Variants in GOT2 observed in about 807,000 individuals in gnomAD.
GOT2 encodes glutamic-oxaloacetic transaminase 2.
Under a neutral mutation model 50.0 loss-of-function variants are expected in GOT2, and 17 were observed. The ratio of observed to expected loss-of-function variants is 0.34; its 90% CI spans 0.23 to 0.51. GOT2 has a LOEUF of 0.51. Ranked by LOEUF, GOT2 falls within the 20% of genes least tolerant of loss-of-function variation. GOT2 has a pLI of 0.97. For synonymous variants in GOT2, 172 were observed against 204.9 expected (o/e 0.84, Z 1.37); for missense variants, 430 against 559.6 (o/e 0.77, Z 2.34).
chr16:58,708,075 T>G lies in GOT2; in HGVS notation c.*96A>C. On this transcript the variant is annotated 3_prime_UTR_variant, in exon 10 of 10. Transcript: ENST00000245206. Reference sequence around the variant, plus strand: ...ACTGTGGCTGAAAGAAATGATCCACTCACCACCATCCACCCTCTCTCATTG... The same window carrying G: ...ACTGTGGCTGAAAGAAATGATCCACGCACCACCATCCACCCTCTCTCATTG... The G allele has an allele frequency of 8.1e-7, 1 of 1,227,424 alleles. No individual in the cohort carries two copies. Among genetic ancestry groups the G allele is most frequent in the Non-Finnish European group, 1.2e-6 (1 of 863,772 alleles). 76.0% of individuals were successfully genotyped at this position (1,227,424 alleles called of 1,614,324 possible). A position where few individuals can be genotyped will look rare whatever the true frequency, so the allele number is the denominator to read the frequency against.
chr16:58,713,776 G>A lies in GOT2; in HGVS notation c.1019+2238C>T, dbSNP rs972941969. On this transcript the variant is annotated intron_variant, in intron 8 of 9. Transcript: ENST00000245206. Reference sequence around the variant, plus strand: ...CATCATGGTTTTATGAACTCATAGAGTAGGGGTTGGCATTCTTTCTGTAAA... The same window carrying A: ...CATCATGGTTTTATGAACTCATAGAATAGGGGTTGGCATTCTTTCTGTAAA... 4.6e-5 allele frequency among the ~76,000 whole-genome samples: 7 copies of A among 152,332 alleles called. No homozygotes were observed. The South Asian group carries it at 1.2e-3, about 27-fold the overall frequency.
At chr16:58,710,912 G>C (rs1394269573) in intron 8 of GOT2, among the ~76,000 whole-genome samples, 1 of 146,856 alleles carries the variant, frequency 6.8e-6, no homozygotes, top group Non-Finnish European at 1.5e-5. Context: ...AGCTTGCAGT[G>C]AGCGGAGATG....
At position 58,716,169 on chromosome 16, in the gene GOT2, T is replaced by C. The variant is rs1450733491; in HGVS notation, c.864A>G (p.Val288=). 2.5e-6 allele frequency: 4 copies of C among 1,613,330 alleles called. No individual in the cohort carries two copies. In the African/African-American group the frequency reaches 4.0e-5, roughly 16 times the overall value. ...CTTTGCAGACCATAGTGAAGGCTCC[T>C]ACACGCTCACCTGAAAGACAAAAAT... ...AKNMGLYGER[V]GAFTMVCKDA... The change falls in exon 8 of 10, where the codon GTA becomes GTG. Residue 288 remains valine (V), a synonymous_variant. Transcript: ENST00000245206.
At chr16:58,713,704 TAACA>T (rs1445481476) in intron 8 of GOT2, among the ~76,000 whole-genome samples, 2 of 152,182 alleles carry the variant, frequency 1.3e-5, no homozygotes, top group Non-Finnish European at 2.9e-5. Context: ...GCAGCTCATA[TAACA>T]AATATACGAT....
chr16:58,718,151 G>A (rs1298233776), intron 6 of GOT2, 45 bp downstream of exon 6: 2 of 1,330,340 alleles, frequency 1.5e-6, no homozygotes, highest in South Asian at 2.3e-5. Flanking sequence ...CTCCAAAGCT[G>A]GTTACTAAAC....
intron 8 of GOT2, among the ~76,000 whole-genome samples, chr16:58,711,516 A>G (rs1328948261): frequency 6.6e-6 from 1 of 152,164 alleles, no homozygotes; most frequent in East Asian, 1.9e-4. Context: ...GATGTTATGC[A>G]CGGTTAGAAG....
chr16:58,718,758 T>C (rs966510463), intron 4 of GOT2, 70 bp from the exon 5 acceptor site: 2 of 1,293,658 alleles, frequency 1.5e-6, no homozygotes, highest in Admixed American at 2.4e-5. Context: ...ATGTGTTTTA[T>C]TGAGAGAACA....
At chr16:58,710,654 G>A (rs1332363110) in intron 8 of GOT2, among the ~76,000 whole-genome samples, 1 of 151,586 alleles carries the variant, frequency 6.6e-6, no homozygotes, top group African/African-American at 2.4e-5. Context: ...GGCCCAGGCG[G>A]GCGGATCACG....
At chr16:58,724,589 G>A (rs2044768357) in intron 1 of GOT2, among the ~76,000 whole-genome samples, 1 of 152,152 alleles carries the variant, frequency 6.6e-6, no homozygotes, top group Admixed American at 6.6e-5. Context: ...CACTCAGGCT[G>A]GAGTGCAATG....
At chr16:58,715,268 GT>G (rs2152094471) in intron 8 of GOT2, among the ~76,000 whole-genome samples, 1 of 152,272 alleles carries the variant, frequency 6.6e-6, no homozygotes, top group South Asian at 2.1e-4. Flanking sequence ...TTTTAAGGAA[GT>G]TTTCCTATGT....
chr16:58,712,836 G>C (rs1007974848), intron 8 of GOT2, among the ~76,000 whole-genome samples: 7 of 152,144 alleles, frequency 4.6e-5, no homozygotes, highest in African/African-American at 1.4e-4. Flanking sequence ...GTGGCTGGGC[G>C]CAGTGGTTCA....
chr16:58,733,524 T>C (rs1371656041), intron 1 of GOT2, among the ~76,000 whole-genome samples: 2 of 152,114 alleles, frequency 1.3e-5, no homozygotes, highest in Non-Finnish European at 2.9e-5. Flanking sequence ...ACCTCGACCC[T>C]TTCCCAAGCA....
At chr16:58,722,664 C>T (rs141030280) in intron 2 of GOT2, among the ~76,000 whole-genome samples, 3,436 of 152,050 alleles carry the variant, frequency 0.023, 166 homozygotes, top group Admixed American at 0.12. Context: ...GCCACTGCGC[C>T]CGGCCAAACC....
intron 3 of GOT2, 90 bp downstream of exon 3, chr16:58,722,060 G>A (rs567695889): frequency 1.2e-4 from 174 of 1,431,300 alleles, no homozygotes; most frequent in Non-Finnish European, 1.6e-4. Flanking sequence ...GATTACAGGC[G>A]TGAGCCATCG....
chr16:58,720,779 T>C lies in GOT2; in HGVS notation c.375+1371A>G, dbSNP rs375505490. ...TTTTTAGTAGAGACGGGGGGGCGGG[T>C]CTCACCATATTGGTCAGGCTGGTCT... is the stretch of plus-strand genomic sequence containing the variant. On this transcript the variant is annotated intron_variant, in intron 3 of 9. Transcript: ENST00000245206. Among the ~76,000 whole-genome samples the C allele has an allele frequency of 6.6e-5, 10 of 151,802 alleles. No homozygotes were observed. In the East Asian group the frequency reaches 9.7e-4, roughly 15 times the overall value.
chr16:58,722,376 G>C, intron 2 of GOT2, 98 bp from the exon 3 acceptor site: 1 of 1,274,768 alleles, frequency 7.8e-7, no homozygotes, highest in Non-Finnish European at 1.1e-6. Context: ...TGGAGGTAAA[G>C]TCTTTTTTTT....
chr16:58,715,997 G>C lies in GOT2; in HGVS notation c.1019+17C>G, dbSNP rs370647694. 1 of 1,593,996 alleles carries C rather than the reference G, an allele frequency of 6.3e-7. No homozygotes were observed. Among genetic ancestry groups the C allele is most frequent in the Non-Finnish European group, 8.5e-7 (1 of 1,170,462 alleles). Reference sequence around the variant, plus strand: ...GTGGGAACAGGTAGGTGGCTGGGGAGTGGCATAAACCTTTACCATTGTTTT... The same window carrying C: ...GTGGGAACAGGTAGGTGGCTGGGGACTGGCATAAACCTTTACCATTGTTTT... On this transcript the variant is annotated intron_variant, in intron 8 of 9. Transcript: ENST00000245206.
At chr16:58,726,929 G>A (rs1244882611) in intron 1 of GOT2, among the ~76,000 whole-genome samples, 3 of 151,928 alleles carry the variant, frequency 2.0e-5, no homozygotes, top group Non-Finnish European at 4.4e-5. Flanking sequence ...CGAAGTAGGC[G>A]GATCACCTGA....
chr16:58,709,415 A>C lies in GOT2; in HGVS notation c.1170+2T>G, dbSNP rs1321864356. The C allele has an allele frequency of 6.3e-7, 1 of 1,592,206 alleles. No homozygotes were observed. Among genetic ancestry groups the C allele is most frequent in the Non-Finnish European group, 8.6e-7 (1 of 1,162,696 alleles). ...TGCTGCAGAGAAATCAGAATCACTC[A>C]CCTGTTCAGGCTTTAGCCCTGTGAA... On this transcript the variant is annotated splice_donor_variant, in intron 9 of 9. Transcript: ENST00000245206. LOFTEE classifies it high-confidence loss of function.
Sources: allele counts gnomAD v4.1 joint callset (sites outside exome capture counted in the v4.1 genomes callset), GRCh38; gene constraint gnomAD v4.1.1; transcripts MANE v1.5; gene names NCBI Gene and HGNC (gene_info 2026-07-23, HGNC 2026-07-21).